Variants in LIN28A observed in about 807,000 individuals in gnomAD.
LIN28A encodes the protein protein lin-28 homolog A.
LIN28A carries 11 observed loss-of-function variants against 21.1 expected under a neutral mutation model. The ratio of observed to expected loss-of-function variants is 0.52; its 90% CI spans 0.33 to 0.86. The LOEUF (loss-of-function observed/expected upper bound fraction) is 0.86. Ranked by LOEUF, LIN28A falls within the 40% of genes least tolerant of loss-of-function variation. The pLI is 0.03. For missense variants in LIN28A, 219 were observed against 279.8 expected (o/e 0.78, Z 1.55); for synonymous variants, 111 against 108.7 (o/e 1.02, Z -0.13).
In LIN28A at chr1:26,426,537, T is replaced by A; in HGVS notation, c.*79T>A. On this transcript the variant is annotated 3_prime_UTR_variant, in exon 4 of 4. Transcript: ENST00000326279. Reference sequence around the variant, plus strand: ...CAGAGTGGAGAAAGTGGGAATAGGGTGCATTGGGGCTAGTTGGCACTGCCA... The same window carrying A: ...CAGAGTGGAGAAAGTGGGAATAGGGAGCATTGGGGCTAGTTGGCACTGCCA... The A allele has an allele frequency of 8.9e-7, 1 of 1,129,200 alleles. No homozygotes were observed. The highest frequency in any genetic ancestry group is 2.5e-5 in the East Asian group (1 of 40,278). 69.9% of individuals were successfully genotyped at this position (1,129,200 alleles called of 1,614,324 possible). A position where few individuals can be genotyped will look rare whatever the true frequency, so the allele number is the denominator to read the frequency against.
intron 1 of LIN28A, 67 bp downstream of exon 1, chr1:26,410,989 AGGTGGGGAACT>A (rs1041066967): frequency 2.4e-5 from 38 of 1,573,570 alleles, no homozygotes; most frequent in Non-Finnish European, 3.3e-5. Context: ...CGTAGAAGGG[AGGTGGGGAACT>A]GAGTCCTAGG....
chr1:26,429,001 C>G lies in LIN28A; in HGVS notation c.*2543C>G, dbSNP rs532766069. 2 of 152,310 alleles carry G rather than the reference C, an allele frequency of 1.3e-5. No homozygotes were observed. The highest frequency in any genetic ancestry group is 2.9e-5 in the Non-Finnish European group (2 of 68,210). The allele number at this position is 152,310 out of a possible 1,614,324, so 9.4% of individuals were successfully genotyped here. A position where few individuals can be genotyped will look rare whatever the true frequency, so the allele number is the denominator to read the frequency against. ...CCAACACAGTGAAACCCCGTCTCTA[C>G]TAAAATACAAAAAAATTAGCCGGGT... On this transcript the variant is annotated 3_prime_UTR_variant, in exon 4 of 4. Coordinates refer to ENST00000326279, the MANE Select transcript of LIN28A (RefSeq NM_024674.6).
chr1:26,411,347 G>T lies in LIN28A; in HGVS notation c.32-39G>T. On this transcript the variant is annotated intron_variant, in intron 1 of 3. Transcript: ENST00000326279. The surrounding 1 kb of genome is among the most constrained non-coding windows in gnomAD (Gnocchi z 5.4). ...GGGCCCGAGACGGCCCTCCGATTCC[G>T]TGCCCCCCAGCTAAGTGCCCGGCCC... 1 of 1,496,128 alleles carries T rather than the reference G, an allele frequency of 6.7e-7. No homozygotes were observed. The highest frequency in any genetic ancestry group is 8.9e-7 in the Non-Finnish European group (1 of 1,128,526). 92.7% of individuals were successfully genotyped at this position (1,496,128 alleles called of 1,614,324 possible).
At chr1:26,418,381 C>T (rs1265100955) in intron 2 of LIN28A, among the ~76,000 whole-genome samples, 2 of 152,060 alleles carry the variant, frequency 1.3e-5, no homozygotes, top group African/African-American at 4.8e-5. Flanking sequence ...CCCGTCTCTA[C>T]TAAAAATACA....
intron 3 of LIN28A, among the ~76,000 whole-genome samples, chr1:26,425,873 G>A (rs1191042168): frequency 2.0e-5 from 3 of 152,066 alleles, no homozygotes; most frequent in Non-Finnish European, 4.4e-5. Flanking sequence ...ATCTTGCTTG[G>A]GCTTAAAGCC....
chr1:26,423,276 T>C (rs1398037760), intron 2 of LIN28A, among the ~76,000 whole-genome samples: 3 of 152,012 alleles, frequency 2.0e-5, no homozygotes, highest in Non-Finnish European at 4.4e-5. Context: ...CCTGGATTCA[T>C]GTGATCTGCC....
intron 3 of LIN28A, among the ~76,000 whole-genome samples, chr1:26,425,911 T>A (rs2124306222): frequency 6.6e-6 from 1 of 152,362 alleles, no homozygotes; most frequent in East Asian, 1.9e-4. Context: ...TACTATAATT[T>A]GGCTTCTTTA....
At chr1:26,424,657 A>G (rs1191738007) in intron 2 of LIN28A, among the ~76,000 whole-genome samples, 1 of 151,934 alleles carries the variant, frequency 6.6e-6, no homozygotes, top group African/African-American at 2.4e-5. Context: ...TGCAACCTCT[A>G]TAGTGTGACA....
intron 2 of LIN28A, among the ~76,000 whole-genome samples, chr1:26,421,998 G>A (rs1353935105): frequency 1.4e-5 from 2 of 139,214 alleles, no homozygotes; most frequent in Non-Finnish European, 3.0e-5. Flanking sequence ...TCCCAAGAAT[G>A]GGAATATTTA....
At chr1:26,417,828 T>C (rs2075002619) in intron 2 of LIN28A, among the ~76,000 whole-genome samples, 3 of 152,182 alleles carry the variant, frequency 2.0e-5, no homozygotes, top group Admixed American at 2.0e-4. Flanking sequence ...GAACCTAGAA[T>C]TGAGGTAGAG....
chr1:26,419,413 GT>G (rs1418332440), intron 2 of LIN28A, among the ~76,000 whole-genome samples: 1 of 152,116 alleles, frequency 6.6e-6, no homozygotes, highest in African/African-American at 2.4e-5. Flanking sequence ...TCAATTTCTT[GT>G]TGCATGTCCC....
rs768443997 is a variant in LIN28A, at chr1:26,410,856, A to C, written c.-36A>C. 19 of 1,611,166 alleles carry C rather than the reference A, an allele frequency of 1.2e-5. No individual in the cohort carries two copies. In the South Asian group the frequency reaches 2.1e-4, roughly 18 times the overall value. ...CTTCTCCGGGGCCAGCAGCCGCCCG[A>C]CCAGGGGCCCGGGGCCACGGGCTCA... On this transcript the variant is annotated 5_prime_UTR_variant, in exon 1 of 4. Transcript: ENST00000326279.
At chr1:26,423,561 C>T (rs1216117661) in intron 2 of LIN28A, among the ~76,000 whole-genome samples, 6 of 151,612 alleles carry the variant, frequency 4.0e-5, no homozygotes, top group Non-Finnish European at 5.9e-5. Flanking sequence ...AGATGCCCAC[C>T]ACCACGCCTG....
intron 2 of LIN28A, 44 bp from the exon 3 acceptor site, chr1:26,425,259 T>C: frequency 1.3e-6 from 2 of 1,578,108 alleles, no homozygotes; most frequent in Non-Finnish European, 8.7e-7. Flanking sequence ...TTTGGTATAA[T>C]AATGGAAATT....
At chr1:26,413,046 C>A (rs971418893) in intron 2 of LIN28A, among the ~76,000 whole-genome samples, 2 of 152,206 alleles carry the variant, frequency 1.3e-5, no homozygotes, top group South Asian at 4.2e-4. Context: ...TGATAACCCA[C>A]AGGAAGTAAT....
chr1:26,411,639 C>T lies in LIN28A; in HGVS notation c.228+57C>T, dbSNP rs1024640523. 3.2e-6 allele frequency: 5 copies of T among 1,544,800 alleles called. No homozygotes were observed. The highest frequency in any genetic ancestry group is 1.4e-5 in the African/African-American group (1 of 71,598). On this transcript the variant is annotated intron_variant, in intron 2 of 3. Transcript: ENST00000326279. The surrounding 1 kb of genome is among the most constrained non-coding windows in gnomAD (Gnocchi z 5.4). Reference sequence around the variant, plus strand: ...AAGGGCGTCTAGGCGCCCATATCCACGGGTGGGCTCCGGGCTCGCAGTTGA... The same window carrying T: ...AAGGGCGTCTAGGCGCCCATATCCATGGGTGGGCTCCGGGCTCGCAGTTGA...
At chr1:26,416,652 C>G (rs1188414637) in intron 2 of LIN28A, among the ~76,000 whole-genome samples, 1 of 152,014 alleles carries the variant, frequency 6.6e-6, no homozygotes, top group African/African-American at 2.4e-5. Flanking sequence ...GAATCTCTCT[C>G]TGTTGCCCAG....
intron 2 of LIN28A, among the ~76,000 whole-genome samples, chr1:26,416,332 G>A (rs1010586109): frequency 6.6e-6 from 1 of 152,188 alleles, no homozygotes; most frequent in African/African-American, 2.4e-5. Context: ...CCTGAACAAA[G>A]CTTCAAATAT....
intron 2 of LIN28A, among the ~76,000 whole-genome samples, chr1:26,420,001 A>G (rs1367027528): frequency 6.6e-6 from 1 of 152,190 alleles, no homozygotes; most frequent in Non-Finnish European, 1.5e-5. Flanking sequence ...TCTCTCACCC[A>G]GGCAGGAGTG....
Sources: allele counts gnomAD v4.1 joint callset (sites outside exome capture counted in the v4.1 genomes callset), GRCh38; gene constraint gnomAD v4.1.1; non-coding constraint Gnocchi (gnomAD v3.1); transcripts MANE v1.5; gene names NCBI Gene and HGNC (gene_info 2026-07-23, HGNC 2026-07-21).